CLNK: variants seen among roughly 807,000 people sequenced by gnomAD.
The protein encoded by CLNK is cytokine-dependent hematopoietic cell linker.
A neutral mutation model predicts 68.6 loss-of-function variants in CLNK; 74 were observed. The ratio of observed to expected loss-of-function variants is 1.08; its 90% CI spans 0.89 to 1.31. The LOEUF is 1.31. CLNK is among the 50% of genes most tolerant of loss of function. The pLI is 0.00. For synonymous variants in CLNK, 198 were observed against 172.2 expected (o/e 1.15, Z -1.17); for missense variants, 553 against 515.3 (o/e 1.07, Z -0.71).
At chr4:10,615,295 C>T (rs909173580) in intron 2 of CLNK, among the ~76,000 whole-genome samples, 2 of 152,210 alleles carry the variant, frequency 1.3e-5, no homozygotes, top group African/African-American at 4.8e-5. Context: ...GCCAGGCCAA[C>T]ATGGCAAAAC....
chr4:10,659,998 G>T (rs893518090), intron 2 of CLNK, among the ~76,000 whole-genome samples: 4 of 152,164 alleles, frequency 2.6e-5, no homozygotes, highest in Non-Finnish European at 4.4e-5. Flanking sequence ...ACATGCAAAT[G>T]ACCAGTGTTT....
intron 18 of CLNK, among the ~76,000 whole-genome samples, chr4:10,494,848 C>G (rs983667027): frequency 6.6e-6 from 1 of 152,116 alleles, no homozygotes; most frequent in Non-Finnish European, 1.5e-5. Context: ...TATTCAAGCT[C>G]TCTTACATAT....
chr4:10,732,284 CACA>C, the CLNK span, among the ~76,000 whole-genome samples: 2 of 152,132 alleles, frequency 1.3e-5, no homozygotes, highest in Admixed American at 1.3e-4. Context: ...CTACATCTGG[CACA>C]TTACTGAAGG....
chr4:10,489,479 C>T lies in CLNK; in HGVS notation c.*988G>A, dbSNP rs1328868232. The T allele has an allele frequency of 1.3e-5, 2 of 152,102 alleles. No individual in the cohort carries two copies. The highest frequency in any genetic ancestry group is 2.1e-4 in the South Asian group (1 of 4,822). 9.4% of individuals were successfully genotyped at this position (152,102 alleles called of 1,614,324 possible). On this transcript the variant is annotated 3_prime_UTR_variant, in exon 19 of 19. Transcript: ENST00000226951. Reference sequence around the variant, plus strand: ...CTATGAATGTGTTAATTCCATTTGACTTAAAGCTACTTGAAGCAGATGATG... The same window carrying T: ...CTATGAATGTGTTAATTCCATTTGATTTAAAGCTACTTGAAGCAGATGATG...
intron 14 of CLNK, among the ~76,000 whole-genome samples, chr4:10,522,934 A>C (rs1718141487): frequency 6.6e-6 from 1 of 152,224 alleles, no homozygotes. Context: ...GTAGAGCAGC[A>C]TGTGCAAAGG....
At chr4:10,533,221 T>C (rs190509504) in intron 11 of CLNK, among the ~76,000 whole-genome samples, 1 of 152,342 alleles carries the variant, frequency 6.6e-6, no homozygotes, top group African/African-American at 2.4e-5. Flanking sequence ...GATCATCCAC[T>C]GCACTCCAGC....
chr4:10,656,062 C>A (rs1462865968), intron 2 of CLNK, among the ~76,000 whole-genome samples: 2 of 151,962 alleles, frequency 1.3e-5, no homozygotes, highest in Non-Finnish European at 2.9e-5. Context: ...TAATCAATTG[C>A]AGGCTATTAA....
chr4:10,562,708 G>A (rs536870633), intron 7 of CLNK, among the ~76,000 whole-genome samples: 4 of 152,140 alleles, frequency 2.6e-5, no homozygotes, highest in Admixed American at 6.6e-5. Context: ...CCGGTCACAA[G>A]AATGTTTTAA....
At chr4:10,655,256 C>T (rs9684998) in intron 2 of CLNK, among the ~76,000 whole-genome samples, 123,829 of 151,516 alleles carry the variant, frequency 0.82, 50,670 homozygotes, top group Admixed American at 0.83. Context: ...ACTAGAGAAC[C>T]CAACGTCATA....
the CLNK span, among the ~76,000 whole-genome samples, chr4:10,726,578 G>A: frequency 7.7e-6 from 1 of 130,040 alleles, no homozygotes; most frequent in African/African-American, 2.6e-5. Context: ...TGGACATTAG[G>A]ATTTCAGCAT....
intron 2 of CLNK, among the ~76,000 whole-genome samples, chr4:10,660,370 A>C (rs1238619125): frequency 1.3e-5 from 2 of 152,268 alleles, no homozygotes. Flanking sequence ...ATGATACTTC[A>C]AGTTAAAAAC....
At chr4:10,627,644 G>A (rs1458172320) in intron 2 of CLNK, among the ~76,000 whole-genome samples, 2 of 152,074 alleles carry the variant, frequency 1.3e-5, no homozygotes, top group Non-Finnish European at 2.9e-5. Flanking sequence ...GAGACAGAGC[G>A]TCTCTCTGTC....
chr4:10,601,649 T>C (rs1721594404), intron 2 of CLNK, among the ~76,000 whole-genome samples: 1 of 152,236 alleles, frequency 6.6e-6, no homozygotes, highest in Admixed American at 6.5e-5. Context: ...CGAAAGGAGA[T>C]GCTCAAGGTT....
the CLNK span, among the ~76,000 whole-genome samples, chr4:10,734,350 T>C: frequency 5.3e-5 from 8 of 152,212 alleles, no homozygotes; most frequent in Non-Finnish European, 1.2e-4. Flanking sequence ...CACAACATTA[T>C]GGCAAAACTA....
At chr4:10,594,442 G>A (rs1297310204) in intron 3 of CLNK, among the ~76,000 whole-genome samples, 1 of 152,218 alleles carries the variant, frequency 6.6e-6, no homozygotes, top group Non-Finnish European at 1.5e-5. Flanking sequence ...GCAAACATTG[G>A]CACCCACAGG....
intron 1 of CLNK, among the ~76,000 whole-genome samples, chr4:10,678,089 T>A (rs1724946197): frequency 6.6e-6 from 1 of 152,200 alleles, no homozygotes; most frequent in African/African-American, 2.4e-5. Context: ...ACCTAACTCC[T>A]GAATTAAACT....
intron 2 of CLNK, among the ~76,000 whole-genome samples, chr4:10,656,161 C>T (rs1385681453): frequency 6.6e-6 from 1 of 151,692 alleles, no homozygotes; most frequent in Admixed American, 6.6e-5. Flanking sequence ...AAACAATACA[C>T]AAAATGAATG....
intron 2 of CLNK, among the ~76,000 whole-genome samples, chr4:10,626,073 G>A (rs1209610755): frequency 6.6e-6 from 1 of 152,214 alleles, no homozygotes; most frequent in Non-Finnish European, 1.5e-5. Context: ...TTGACTGGTT[G>A]GGGGTGGTGC....
At chr4:10,615,060 C>T (rs1722174656) in intron 2 of CLNK, among the ~76,000 whole-genome samples, 1 of 152,052 alleles carries the variant, frequency 6.6e-6, no homozygotes, top group Non-Finnish European at 1.5e-5. Context: ...GTGGTGCATA[C>T]TTGTAATTCC....
Sources: allele counts gnomAD v4.1 joint callset (sites outside exome capture counted in the v4.1 genomes callset), GRCh38; gene constraint gnomAD v4.1.1; transcripts MANE v1.5; gene names NCBI Gene and HGNC (gene_info 2026-07-23, HGNC 2026-07-21).